B4GALT5: variants seen among roughly 807,000 people sequenced by gnomAD.
The protein encoded by B4GALT5 is beta-1,4-galactosyltransferase 5.
In B4GALT5, 11 loss-of-function variants were observed where a neutral mutation model predicts 45.0. The observed-to-expected ratio is 0.24, with a 90% CI of 0.15 to 0.40. B4GALT5 has a LOEUF of 0.40. B4GALT5 is among the 10% of genes least tolerant of loss of function. The pLI is 1.00. For synonymous variants in B4GALT5, 185 were observed against 182.9 expected (o/e 1.01, Z -0.09); for missense variants, 337 against 500.2 (o/e 0.67, Z 3.11).
At chr20:49,646,899 G>A (rs958148498) in intron 3 of B4GALT5, 66 bp downstream of exon 3, 11 of 973,400 alleles carry the variant, frequency 1.1e-5, no homozygotes, top group African/African-American at 1.6e-5. Context: ...CAGACAGAGA[G>A]ATCAAGAGTG....
At position 49,677,536 on chromosome 20, in the gene B4GALT5, G is replaced by C. The variant is rs553548250; in HGVS notation, c.116-20834C>G. On this transcript the variant is annotated intron_variant, in intron 1 of 8. Coordinates refer to ENST00000371711, the MANE Select transcript of B4GALT5 (RefSeq NM_004776.4). The stretch of plus-strand genomic sequence containing the variant: ...ATTATGTTAAAGTAAGTCTTCTTAA[G>C]AACAAATGGTAAAATGAATACATGA... 3.3e-5 allele frequency among the ~76,000 whole-genome samples: 5 copies of C among 152,236 alleles called. No homozygotes were observed. The South Asian group carries it at 8.3e-4, about 25-fold the overall frequency.
chr20:49,668,786 T>C (rs1181676372), intron 1 of B4GALT5, among the ~76,000 whole-genome samples: 5 of 152,010 alleles, frequency 3.3e-5, no homozygotes, highest in African/African-American at 7.3e-5. Context: ...TCCCTGTCCC[T>C]GAATTGCCTT....
intron 2 of B4GALT5, among the ~76,000 whole-genome samples, chr20:49,655,446 C>T (rs1377757723): frequency 6.6e-6 from 1 of 151,664 alleles, no homozygotes; most frequent in African/African-American, 2.4e-5. Context: ...AAAACCCAAA[C>T]AAACCCAGAA....
intron 1 of B4GALT5, among the ~76,000 whole-genome samples, chr20:49,673,773 G>A (rs1197468508): frequency 1.3e-5 from 2 of 152,136 alleles, no homozygotes; most frequent in African/African-American, 4.8e-5. Flanking sequence ...GTATTTAAAG[G>A]TTAACTGCCT....
At chr20:49,679,295 C>G (rs2085754337) in intron 1 of B4GALT5, among the ~76,000 whole-genome samples, 1 of 152,098 alleles carries the variant, frequency 6.6e-6, no homozygotes, top group African/African-American at 2.4e-5. Context: ...AATCACCAGT[C>G]CTAAAATGAA....
intron 1 of B4GALT5, among the ~76,000 whole-genome samples, chr20:49,704,256 G>A (rs1391514626): frequency 6.6e-6 from 1 of 152,144 alleles, no homozygotes; most frequent in African/African-American, 2.4e-5. Flanking sequence ...GTTCAACACA[G>A]TAGAATTAAG....
intron 5 of B4GALT5, among the ~76,000 whole-genome samples, 171 bp downstream of exon 5, chr20:49,642,297 A>C (rs1480070419): frequency 6.6e-6 from 1 of 152,190 alleles, no homozygotes; most frequent in Non-Finnish European, 1.5e-5. Flanking sequence ...GGCAACAGAC[A>C]TCTCAAACCA....
chr20:49,685,743 G>A (rs2085782448), intron 1 of B4GALT5, among the ~76,000 whole-genome samples: 1 of 152,122 alleles, frequency 6.6e-6, no homozygotes, highest in Non-Finnish European at 1.5e-5. Context: ...TATTGTCCTA[G>A]AAATCAAATA....
chr20:49,705,689 T>G (rs1473800914), intron 1 of B4GALT5, among the ~76,000 whole-genome samples: 2 of 152,190 alleles, frequency 1.3e-5, no homozygotes, highest in African/African-American at 4.8e-5. Flanking sequence ...AAAGGTTCAA[T>G]TCACACATGC....
chr20:49,703,319 T>A (rs1022418378), intron 1 of B4GALT5, among the ~76,000 whole-genome samples: 1 of 152,202 alleles, frequency 6.6e-6, no homozygotes, highest in African/African-American at 2.4e-5. Context: ...AAAGTAGATT[T>A]GGAAAAAATT....
chr20:49,693,785 A>C (rs2085826241), intron 1 of B4GALT5, among the ~76,000 whole-genome samples: 1 of 152,236 alleles, frequency 6.6e-6, no homozygotes, highest in Admixed American at 6.5e-5. Context: ...AAATGAGGTT[A>C]AGGTGCCAGG....
intron 1 of B4GALT5, among the ~76,000 whole-genome samples, chr20:49,696,552 G>A (rs2085840342): frequency 6.6e-6 from 1 of 152,138 alleles, no homozygotes; most frequent in Admixed American, 6.5e-5. Flanking sequence ...GAACTGGCCA[G>A]GAAAAGATCT....
intron 7 of B4GALT5, among the ~76,000 whole-genome samples, chr20:49,639,088 T>C (rs2085565376): frequency 6.6e-6 from 1 of 152,218 alleles, no homozygotes; most frequent in African/African-American, 2.4e-5. Context: ...TACTGTTCAC[T>C]TGCCACTTTT....
At chr20:49,686,728 C>CAAAAA (rs59766440) in intron 1 of B4GALT5, among the ~76,000 whole-genome samples, 25 of 59,460 alleles carry the variant, frequency 4.2e-4, no homozygotes, top group African/African-American at 1.1e-3. Context: ...TGTCTCTGCC[C>CAAAAA]AAAAAAAAAA....
rs1234557319 is a variant in B4GALT5 at position 49,635,180 on chromosome 20, T to G, written c.*1132A>C. ...ACATTGTTCAGAAACTGTGGCCAAG[T>G]TCCACAAGAGAAAAAGTAAGAGGGG... On this transcript the variant is annotated 3_prime_UTR_variant, in exon 9 of 9. Transcript: ENST00000371711. The G allele has an allele frequency of 9.2e-5, 14 of 152,112 alleles. No individual in the cohort carries two copies. Among genetic ancestry groups the G allele is most frequent in the Admixed American group, 9.2e-4 (14 of 15,270 alleles). 9.4% of individuals were successfully genotyped at this position (152,112 alleles called of 1,614,324 possible).
At chr20:49,710,978 G>A (rs963799445) in intron 1 of B4GALT5, among the ~76,000 whole-genome samples, 2 of 151,866 alleles carry the variant, frequency 1.3e-5, no homozygotes, top group African/African-American at 2.4e-5. Flanking sequence ...AGCTACTCAG[G>A]AGGCTGAGGG....
chr20:49,651,090 C>T (rs1480579516), intron 2 of B4GALT5, among the ~76,000 whole-genome samples: 1 of 152,132 alleles, frequency 6.6e-6, no homozygotes, highest in African/African-American at 2.4e-5. Flanking sequence ...TCCAGACCAG[C>T]CTGACCAACA....
Position 49,656,691 on chromosome 20 carries a change from G to C in B4GALT5, c.127C>G (p.Leu43Val). The C allele has an allele frequency of 1.9e-6, 3 of 1,614,048 alleles. No homozygotes were observed. Among genetic ancestry groups the C allele is most frequent in the Non-Finnish European group, 1.7e-6 (2 of 1,179,998 alleles). ...YVAPGIVNTY[L>V]FMMQAQGILI... Reference sequence around the variant, plus strand: ...ATGCCTTGGGCTTGCATCATGAAGAGGTAGGTGTTCACTGCAGAAAGCAAA... The same window carrying C: ...ATGCCTTGGGCTTGCATCATGAAGACGTAGGTGTTCACTGCAGAAAGCAAA... The change falls in exon 2 of 9, where the codon CTC (leucine) becomes GTC (valine). Residue 43 changes from leucine (L) to valine (V), a missense_variant. This residue lies in a region of B4GALT5 where 174 missense variants were observed against 207.4 expected (regional missense o/e 0.84). Transcript: ENST00000371711.
At chr20:49,706,744 G>A (rs767552660) in intron 1 of B4GALT5, among the ~76,000 whole-genome samples, 1 of 152,104 alleles carries the variant, frequency 6.6e-6, no homozygotes, top group Non-Finnish European at 1.5e-5. Context: ...ACGATTATCT[G>A]TTTGTCTTAG....
Sources: allele counts gnomAD v4.1 joint callset (sites outside exome capture counted in the v4.1 genomes callset), GRCh38; gene constraint gnomAD v4.1.1; regional missense constraint gnomAD v4.1.1; transcripts MANE v1.5; gene names NCBI Gene and HGNC (gene_info 2026-07-23, HGNC 2026-07-21).